Variants in FOXP1 observed in about 807,000 individuals in gnomAD.
The protein encoded by FOXP1 is forkhead box P1.
FOXP1 carries 15 observed loss-of-function variants against 98.2 expected under a neutral mutation model. The observed-to-expected ratio is 0.15, with a 90% CI of 0.10 to 0.24. The LOEUF is 0.24. Among genes scored for constraint, FOXP1 ranks in the 10% least tolerant of loss-of-function variants. The pLI is 1.00. For missense variants in FOXP1, 633 were observed against 848.5 expected (o/e 0.75, Z 3.15); for synonymous variants, 371 against 314.5 (o/e 1.18, Z -1.90).
At chr3:71,256,342 G>C (rs1013290076) in intron 5 of FOXP1, among the ~76,000 whole-genome samples, 7 of 152,104 alleles carry the variant, frequency 4.6e-5, no homozygotes, top group Non-Finnish European at 1.0e-4. Flanking sequence ...ATTTGGTGGT[G>C]GGGGCGGGGC....
chr3:71,397,002 ATATGTG>A (rs1263941647), intron 3 of FOXP1, among the ~76,000 whole-genome samples: 4 of 74,484 alleles, frequency 5.4e-5, no homozygotes, highest in East Asian at 2.3e-4. Context: ...ATACACATAT[ATATGTG>A]TATATATATA....
chr3:71,451,763 C>A (rs2086981370), intron 3 of FOXP1, among the ~76,000 whole-genome samples: 1 of 151,848 alleles, frequency 6.6e-6, no homozygotes, highest in Non-Finnish European at 1.5e-5. Context: ...TATTTTTAAG[C>A]GAAATGAAAA....
chr3:71,012,230 T>C lies in FOXP1; in HGVS notation c.974+3319A>G, dbSNP rs2043759970. On this transcript the variant is annotated intron_variant, in intron 12 of 20. Transcript: ENST00000649528. ...TGGAAGAAATCGGTACCAAGGTATT[T>C]ATCAAACCTAGCACTGGTGTAGAAG... 1.3e-5 allele frequency among the ~76,000 whole-genome samples: 2 copies of C among 152,170 alleles called. 1 individual carries two copies.
chr3:71,447,963 GT>G (rs2086604456), intron 3 of FOXP1, among the ~76,000 whole-genome samples: 1 of 152,168 alleles, frequency 6.6e-6, no homozygotes, highest in African/African-American at 2.4e-5. Context: ...CATTCTTCCA[GT>G]TTTCTCAAAC....
At chr3:71,078,021 A>G (rs1157080991) in intron 7 of FOXP1, among the ~76,000 whole-genome samples, 4 of 152,202 alleles carry the variant, frequency 2.6e-5, no homozygotes, top group Non-Finnish European at 4.4e-5. Flanking sequence ...TAGTAGAGAC[A>G]GGGTTTCTCC....
intron 2 of FOXP1, among the ~76,000 whole-genome samples, chr3:71,510,448 G>A (rs915980365): frequency 1.3e-5 from 2 of 152,124 alleles, no homozygotes; most frequent in African/African-American, 4.8e-5. Context: ...CTGCACTCCA[G>A]CCTGGGCAAC....
At chr3:71,181,567 C>T (rs1266538310) in intron 6 of FOXP1, among the ~76,000 whole-genome samples, 2 of 152,102 alleles carry the variant, frequency 1.3e-5, no homozygotes. Flanking sequence ...ATAAAATATT[C>T]CTCCTGCCCT....
chr3:71,411,880 G>A (rs995730978), intron 3 of FOXP1, among the ~76,000 whole-genome samples: 2 of 152,162 alleles, frequency 1.3e-5, no homozygotes, highest in Non-Finnish European at 2.9e-5. Context: ...TAGGGGAAGC[G>A]GGCATCCCAT....
chr3:71,236,569 C>T (rs1290425596), intron 5 of FOXP1, among the ~76,000 whole-genome samples: 1 of 152,100 alleles, frequency 6.6e-6, no homozygotes, highest in Non-Finnish European at 1.5e-5. Context: ...CTAGCAGCCA[C>T]GTATAAACAA....
At chr3:71,207,098 A>G (rs2064097878) in intron 5 of FOXP1, among the ~76,000 whole-genome samples, 1 of 152,190 alleles carries the variant, frequency 6.6e-6, no homozygotes, top group Non-Finnish European at 1.5e-5. Context: ...TGGGGAGCGT[A>G]ATTAAAATGC....
chr3:71,491,233 C>T (rs1042592377), intron 3 of FOXP1, among the ~76,000 whole-genome samples: 3 of 152,164 alleles, frequency 2.0e-5, no homozygotes, highest in Non-Finnish European at 4.4e-5. Flanking sequence ...TCAGGCTGGT[C>T]TTGAACTCCT....
At chr3:71,067,522 G>A (rs1260574734) in intron 7 of FOXP1, among the ~76,000 whole-genome samples, 1 of 152,160 alleles carries the variant, frequency 6.6e-6, no homozygotes, top group African/African-American at 2.4e-5. Context: ...TCATGCAGTT[G>A]TCATAATCTG....
At chr3:71,088,857 TGC>T in intron 7 of FOXP1, among the ~76,000 whole-genome samples, 2 of 152,226 alleles carry the variant, frequency 1.3e-5, no homozygotes, top group Non-Finnish European at 2.9e-5. Context: ...AATACCTTAG[TGC>T]AGTTCATCTC....
chr3:71,358,650 G>A (rs1200340938), intron 4 of FOXP1, among the ~76,000 whole-genome samples: 1 of 152,162 alleles, frequency 6.6e-6, no homozygotes, highest in Non-Finnish European at 1.5e-5. Context: ...GGTACCCAGC[G>A]AGGTGTCAGG....
At chr3:71,078,639 G>T (rs1036431977) in intron 7 of FOXP1, among the ~76,000 whole-genome samples, 1 of 151,964 alleles carries the variant, frequency 6.6e-6, no homozygotes, top group South Asian at 2.1e-4. Context: ...CATAAGACTG[G>T]AAGGGCACGA....
intron 5 of FOXP1, among the ~76,000 whole-genome samples, chr3:71,273,769 C>T (rs1034338545): frequency 6.6e-6 from 1 of 152,128 alleles, no homozygotes; most frequent in Non-Finnish European, 1.5e-5. Flanking sequence ...GACTTCATGC[C>T]AAATGCATGG....
upstream of FOXP1, chr3:71,583,845 G>C (rs141255995): frequency 7.1e-6 from 7 of 986,144 alleles, no homozygotes; most frequent in Non-Finnish European, 8.4e-6. Context: ...GGCAGCACCG[G>C]CCCGGGGGCG....
chr3:71,536,207 C>T (rs2044275981), intron 2 of FOXP1, among the ~76,000 whole-genome samples: 1 of 152,122 alleles, frequency 6.6e-6, no homozygotes, highest in Admixed American at 6.5e-5. Flanking sequence ...CCTAAAAATT[C>T]CCTCTGTTAC....
chr3:71,267,829 C>T (rs148934339), intron 5 of FOXP1, among the ~76,000 whole-genome samples: 1,561 of 151,890 alleles, frequency 0.01, 32 homozygotes, highest in African/African-American at 0.035. Context: ...GCCAGCCTGG[C>T]CAATATGGTG....
Sources: allele counts gnomAD v4.1 joint callset (sites outside exome capture counted in the v4.1 genomes callset), GRCh38; gene constraint gnomAD v4.1.1; transcripts MANE v1.5; gene names NCBI Gene and HGNC (gene_info 2026-07-23, HGNC 2026-07-21).